The following ADAMTS20 variants were observed in gnomAD, a reference collection of about 807,000 sequenced individuals.
ADAMTS20 encodes the protein ADAM metallopeptidase with thrombospondin type 1 motif 20.
A neutral mutation model predicts 260.1 loss-of-function variants in ADAMTS20; 225 were observed. The ratio of observed to expected loss-of-function variants is 0.87; its 90% confidence interval spans 0.78 to 0.97. The LOEUF is 0.97. Among genes scored for constraint, ADAMTS20 ranks in the 50% least tolerant of loss-of-function variants. The probability of loss-of-function intolerance (pLI) is 0.00; values close to 1 mark genes in which losing one functional copy is unlikely to be tolerated. For missense variants in ADAMTS20, 2,400 were observed against 2,337.7 expected (o/e 1.03, Z -0.55); for synonymous variants, 802 against 769.5 (o/e 1.04, Z -0.70).
intron 4 of ADAMTS20, among the ~76,000 whole-genome samples, chr12:43,499,783 G>A (rs569906676): frequency 2.0e-5 from 3 of 152,144 alleles, no homozygotes; most frequent in Admixed American, 6.5e-5. Context: ...GATTACAGGC[G>A]TGAGCCATGG....
Position 43,375,197 on chromosome 12 carries a change from GC to G in ADAMTS20, c.5446+181del, listed in dbSNP as rs1287544286. On this transcript the variant is annotated intron_variant, in intron 36 of 38. Transcript: ENST00000389420. ...CAAAAAAAAAAAAAAAAAAAAAAAA[GC>G]CCCATGGTGCATGTCATTGCAGAGG... 9.1e-5 allele frequency among the ~76,000 whole-genome samples: 8 copies of G among 88,376 alleles called. No homozygotes were observed. The South Asian group carries it at 1.1e-3, about 12-fold the overall frequency. The allele number at this position is 88,376 out of a possible 152,430, so 58.0% of individuals were successfully genotyped here. A position where few individuals can be genotyped will look rare whatever the true frequency, so the allele number is the denominator to read the frequency against.
At chr12:43,527,287 C>G (rs1372730131) in intron 3 of ADAMTS20, among the ~76,000 whole-genome samples, 3 of 152,056 alleles carry the variant, frequency 2.0e-5, no homozygotes, top group African/African-American at 7.2e-5. Context: ...TGGTACCAAT[C>G]CTAATAAAAC....
Position 43,377,360 on chromosome 12 carries a change from C to G in ADAMTS20, c.4995+5G>C, listed in dbSNP as rs370183028. ...AAGTTTTAAAATTCATAATTGTACA[C>G]CGACCTTGCTCCATTTTCCAACTTT... On this transcript the variant is annotated splice_donor_5th_base_variant and intron_variant, in intron 32 of 38. Transcript: ENST00000389420. 34 of 1,606,652 alleles carry G rather than the reference C, an allele frequency of 2.1e-5. No homozygotes were observed. In the African/African-American group the frequency reaches 4.4e-4, roughly 21 times the overall value.
chr12:43,460,353 T>C (rs1374626644), intron 11 of ADAMTS20, among the ~76,000 whole-genome samples: 1 of 152,196 alleles, frequency 6.6e-6, no homozygotes, highest in Non-Finnish European at 1.5e-5. Context: ...AGATTGATAA[T>C]AATCATGGAA....
Position 43,490,413 on chromosome 12 carries a change from CT to C in ADAMTS20, c.1098del (p.Glu367ArgfsTer6). On this transcript the variant is annotated frameshift_variant, in exon 7 of 39. Transcript: ENST00000389420. LOFTEE classifies it high-confidence loss of function. ...AACTTACCTAACATGTTACATTTCT[CT>C]TTAGATGAACAAATGTCTTCCCTTA... is the stretch of plus-strand genomic sequence containing the variant. Reference protein sequence around the residue: ...LITREDICSSKEKCNMLGLSY... With the variant: ...LITREDICSSXEKCNMLGLSY... The C allele has an allele frequency of 7.7e-7, 1 of 1,294,298 alleles. No individual in the cohort carries two copies. 80.2% of individuals were successfully genotyped at this position (1,294,298 alleles called of 1,614,324 possible).
chr12:43,481,090 C>T (rs1416708688), intron 7 of ADAMTS20, among the ~76,000 whole-genome samples: 2 of 152,016 alleles, frequency 1.3e-5, no homozygotes, highest in Middle Eastern at 3.2e-3. Flanking sequence ...GATTTGTCAA[C>T]TAAAAATAAT....
rs781116621 is a variant in ADAMTS20 at position 43,354,255 on chromosome 12, T to G, written c.5687A>C (p.Lys1896Thr). The change falls in exon 39 of 39, where the codon AAG becomes ACG. Residue 1896 changes from lysine to threonine, a missense_variant. By Grantham distance (78) the Lys-to-Thr change is moderately conservative. Transcript: ENST00000389420. Reference protein sequence around the residue: ...FFGKCGGYCGKCLPHMTTGLP... With the variant: ...FFGKCGGYCGTCLPHMTTGLP... ...ACCAGTAGTCATGTGAGGAAGACAC[T>G]TTCCACAGTACCCTCCACATTTGCC... The G allele has an allele frequency of 6.3e-7, 1 of 1,595,204 alleles. No individual in the cohort carries two copies. Among genetic ancestry groups the G allele is most frequent in the East Asian group, 2.2e-5 (1 of 44,498 alleles).
chr12:43,540,456 TTTTA>T (rs1402176779), intron 2 of ADAMTS20, among the ~76,000 whole-genome samples: 1 of 152,230 alleles, frequency 6.6e-6, no homozygotes, highest in Non-Finnish European at 1.5e-5. Context: ...TACTTGTCCT[TTTTA>T]TTTATTAATG....
At chr12:43,465,679 A>AAAAAG (rs1942140794) in intron 9 of ADAMTS20, among the ~76,000 whole-genome samples, 1 of 152,046 alleles carries the variant, frequency 6.6e-6, no homozygotes, top group South Asian at 2.1e-4. Flanking sequence ...ACTCCCTTCT[A>AAAAAG]AAAAGAAAAG....
chr12:43,481,673 G>C (rs1266994822), intron 7 of ADAMTS20, among the ~76,000 whole-genome samples: 1 of 152,142 alleles, frequency 6.6e-6, no homozygotes, highest in Non-Finnish European at 1.5e-5. Context: ...CATTTCTATG[G>C]ACCGGCATCA....
intron 2 of ADAMTS20, among the ~76,000 whole-genome samples, chr12:43,538,594 GC>G (rs1444891897): frequency 6.6e-6 from 1 of 152,150 alleles, no homozygotes; most frequent in East Asian, 1.9e-4. Flanking sequence ...TTTTTGCCCA[GC>G]CCAATGTCCT....
chr12:43,433,144 C>T (rs1432720841), intron 19 of ADAMTS20, among the ~76,000 whole-genome samples: 1 of 152,168 alleles, frequency 6.6e-6, no homozygotes, highest in Non-Finnish European at 1.5e-5. Flanking sequence ...TATCCCTATG[C>T]AATCCTCTAT....
intron 16 of ADAMTS20, among the ~76,000 whole-genome samples, chr12:43,441,661 A>C (rs2137328919): frequency 6.6e-6 from 1 of 152,308 alleles, no homozygotes; most frequent in Admixed American, 6.5e-5. Context: ...GTAATACCTA[A>C]AATTTTACAC....
intron 23 of ADAMTS20, 88 bp downstream of exon 23, chr12:43,430,263 GA>G (rs1192270331): frequency 3.5e-6 from 5 of 1,434,158 alleles, no homozygotes; most frequent in Non-Finnish European, 3.7e-6. Flanking sequence ...AGTTTAAGTG[GA>G]AAAAAATAAG....
chr12:43,426,509 T>G (rs1429325246), intron 27 of ADAMTS20, among the ~76,000 whole-genome samples: 1 of 152,190 alleles, frequency 6.6e-6, no homozygotes, highest in African/African-American at 2.4e-5. Context: ...CCAAAGCTAA[T>G]AGAAATCTTT....
intron 29 of ADAMTS20, among the ~76,000 whole-genome samples, chr12:43,384,762 G>A (rs1024887781): frequency 6.6e-5 from 10 of 152,016 alleles, no homozygotes; most frequent in Admixed American, 2.6e-4. Flanking sequence ...AGCTTCATCC[G>A]TGTCCCTGCA....
intron 18 of ADAMTS20, among the ~76,000 whole-genome samples, chr12:43,438,004 T>G (rs988217637): frequency 6.6e-5 from 10 of 152,010 alleles, no homozygotes; most frequent in African/African-American, 2.4e-4. Flanking sequence ...CTGATAACTT[T>G]CAGTACACAG....
chr12:43,511,783 A>G (rs76614205), intron 3 of ADAMTS20, among the ~76,000 whole-genome samples: 3,387 of 152,206 alleles, frequency 0.022, 47 homozygotes, highest in Non-Finnish European at 0.032. Context: ...AAGGAAACAC[A>G]TTTTACACTT....
chr12:43,378,325 A>G (rs2137216057), intron 31 of ADAMTS20, among the ~76,000 whole-genome samples: 1 of 152,338 alleles, frequency 6.6e-6, no homozygotes, highest in Middle Eastern at 3.4e-3. Context: ...CAGTGTGTAC[A>G]TACCTGTGAG....
Sources: allele counts gnomAD v4.1 joint callset (sites outside exome capture counted in the v4.1 genomes callset), GRCh38; gene constraint gnomAD v4.1.1; transcripts MANE v1.5; gene names NCBI Gene and HGNC (gene_info 2026-07-23, HGNC 2026-07-21).